SNAP91: variants seen among roughly 807,000 people sequenced by gnomAD.
The protein encoded by SNAP91 is clathrin coat assembly protein AP180.
SNAP91 carries 27 observed loss-of-function variants against 100.3 expected under a neutral mutation model. The observed-to-expected ratio is 0.27, with a 90% CI of 0.20 to 0.37. The LOEUF (loss-of-function observed/expected upper bound fraction) is 0.37. Among genes scored for constraint, SNAP91 ranks in the 10% least tolerant of loss-of-function variants. The pLI is 1.00. For missense variants in SNAP91, 986 were observed against 1,123.7 expected (o/e 0.88, Z 1.75); for synonymous variants, 404 against 398.6 (o/e 1.01, Z -0.16).
intron 2 of SNAP91, among the ~76,000 whole-genome samples, chr6:83,687,400 A>G (rs73486960): frequency 0.029 from 4,344 of 152,298 alleles, 76 homozygotes; most frequent in East Asian, 0.058. Flanking sequence ...ACTAAAATAT[A>G]AGTGGTTTAG....
intron 8 of SNAP91, among the ~76,000 whole-genome samples, chr6:83,631,869 T>C (rs1037112366): frequency 5.9e-5 from 9 of 152,190 alleles, no homozygotes; most frequent in Non-Finnish European, 1.2e-4. Flanking sequence ...ACCATTCCAT[T>C]CATTGTGCTA....
At chr6:83,554,605 T>C (rs1359864733) in intron 29 of SNAP91, among the ~76,000 whole-genome samples, 2 of 152,146 alleles carry the variant, frequency 1.3e-5, no homozygotes, top group Non-Finnish European at 2.9e-5. Context: ...ATTCAGTATC[T>C]AAGAGCAGCC....
rs138270046 is a variant in SNAP91, at chr6:83,586,696, G to A, written c.2015-4340C>T. Among the ~76,000 whole-genome samples, 1,499 of 152,178 alleles carry A rather than the reference G, an allele frequency of 9.9e-3. 13 individuals are homozygous for A. The highest frequency in any genetic ancestry group is 0.029 in the South Asian group (141 of 4,818). On this transcript the variant is annotated intron_variant, in intron 22 of 29. Transcript: ENST00000369694. The stretch of plus-strand genomic sequence containing the variant: ...TATTATTTAAAAACTTAACTTTCAA[G>A]TTTTCATTCAGATGTTACCTGAGAT...
chr6:83,596,495 A>G (rs1479735680), intron 16 of SNAP91, among the ~76,000 whole-genome samples: 1 of 152,188 alleles, frequency 6.6e-6, no homozygotes, highest in African/African-American at 2.4e-5. Flanking sequence ...ACTGAGGCCA[A>G]TAATATTGCA....
rs2099399708 is a variant in SNAP91 at position 83,707,728 on chromosome 6, C to T, written c.130+70G>A. On this transcript the variant is annotated intron_variant, in intron 2 of 29. Transcript: ENST00000369694. Reference sequence around the variant, plus strand: ...GCCACAGCATTATGGACCAAGAGCGCAGGCCGCACCACCAGCATCCCAGGC... The same window carrying T: ...GCCACAGCATTATGGACCAAGAGCGTAGGCCGCACCACCAGCATCCCAGGC... 2.5e-6 allele frequency: 4 copies of T among 1,585,354 alleles called. No homozygotes were observed. In the Admixed American group the frequency reaches 7.3e-5, roughly 29 times the overall value.
At chr6:83,635,021 A>AT (rs2128498194) in intron 8 of SNAP91, among the ~76,000 whole-genome samples, 1 of 152,094 alleles carries the variant, frequency 6.6e-6, no homozygotes, top group Non-Finnish European at 1.5e-5. Flanking sequence ...TTATGATTTG[A>AT]TTTTTTTGAT....
At chr6:83,628,523 GTTTT>G (rs562616201) in intron 8 of SNAP91, among the ~76,000 whole-genome samples, 2 of 145,380 alleles carry the variant, frequency 1.4e-5, no homozygotes, top group Non-Finnish European at 3.0e-5. Context: ...AACATCTACT[GTTTT>G]TTTTTTTATT....
intron 26 of SNAP91, among the ~76,000 whole-genome samples, chr6:83,567,486 C>A (rs1372354076): frequency 2.0e-5 from 3 of 152,028 alleles, no homozygotes; most frequent in African/African-American, 2.4e-5. Context: ...GCAACAAAAG[C>A]CAAAATTGAC....
chr6:83,593,135 A>C, intron 19 of SNAP91, 47 bp downstream of exon 19: 1 of 1,541,488 alleles, frequency 6.5e-7, no homozygotes, highest in Non-Finnish European at 8.8e-7. Context: ...TAATCAGGAA[A>C]ACATCTAAGA....
chr6:83,595,758 T>G (rs1262722494), intron 16 of SNAP91, among the ~76,000 whole-genome samples: 1 of 152,198 alleles, frequency 6.6e-6, no homozygotes, highest in Non-Finnish European at 1.5e-5. Flanking sequence ...ACACAGTACA[T>G]GCTCTTCCTT....
chr6:83,632,124 T>C (rs1167032541), intron 8 of SNAP91, among the ~76,000 whole-genome samples: 1 of 152,116 alleles, frequency 6.6e-6, no homozygotes, highest in East Asian at 1.9e-4. Context: ...TTTCACTGGA[T>C]ACAAAATTCT....
chr6:83,616,582 G>A (rs1562360665), intron 10 of SNAP91, among the ~76,000 whole-genome samples: 1 of 152,024 alleles, frequency 6.6e-6, no homozygotes, highest in Non-Finnish European at 1.5e-5. Context: ...TTCACAGTGG[G>A]GTTGATAACG....
intron 25 of SNAP91, chr6:83,575,324 A>G (rs530134025): frequency 1.8e-6 from 1 of 565,122 alleles, no homozygotes. Flanking sequence ...TTGAAAAAAA[A>G]TCATTTAGAG....
chr6:83,588,536 C>T (rs1408659360), intron 22 of SNAP91, among the ~76,000 whole-genome samples: 1 of 152,058 alleles, frequency 6.6e-6, no homozygotes, highest in Non-Finnish European at 1.5e-5. Flanking sequence ...TGTAGACTTC[C>T]CCTGCTGGAC....
At chr6:83,665,121 T>C (rs2098654106) in intron 3 of SNAP91, among the ~76,000 whole-genome samples, 1 of 152,140 alleles carries the variant, frequency 6.6e-6, no homozygotes, top group African/African-American at 2.4e-5. Context: ...AACTTTTACA[T>C]GCACTGGGAA....
intron 29 of SNAP91, among the ~76,000 whole-genome samples, chr6:83,554,990 CT>C (rs1775695708): frequency 1.3e-5 from 2 of 152,206 alleles, no homozygotes; most frequent in Admixed American, 1.3e-4. Flanking sequence ...TATCTGTTTC[CT>C]GTACTTATCA....
At chr6:83,556,117 T>C (rs1417673418) in intron 29 of SNAP91, 26 bp downstream of exon 29, 2 of 1,310,518 alleles carry the variant, frequency 1.5e-6, no homozygotes, top group Non-Finnish European at 2.2e-6. Flanking sequence ...ATTACAAGCC[T>C]ACAGGAAAAG....
At chr6:83,705,142 T>A (rs2099361056) in intron 2 of SNAP91, among the ~76,000 whole-genome samples, 1 of 152,198 alleles carries the variant, frequency 6.6e-6, no homozygotes, top group Admixed American at 6.5e-5. Context: ...TGTCTCCAAA[T>A]TCCATCCAAA....
At chr6:83,623,231 G>C in intron 9 of SNAP91, 70 bp downstream of exon 9, 1 of 1,207,786 alleles carries the variant, frequency 8.3e-7, no homozygotes, top group Non-Finnish European at 1.2e-6. Context: ...ACAAGACTAT[G>C]CCCATTTGTG....
Sources: allele counts gnomAD v4.1 joint callset (sites outside exome capture counted in the v4.1 genomes callset), GRCh38; gene constraint gnomAD v4.1.1; transcripts MANE v1.5; gene names NCBI Gene and HGNC (gene_info 2026-07-23, HGNC 2026-07-21).